Variants in FADS2 observed in about 807,000 individuals in gnomAD.
FADS2 encodes acyl-CoA 6-desaturase.
A neutral mutation model predicts 61.2 loss-of-function variants in FADS2; 18 were observed. That is an observed-to-expected ratio of 0.29 (90% CI 0.20 to 0.44). FADS2 has a LOEUF of 0.44. Among genes scored for constraint, FADS2 ranks in the 20% least tolerant of loss-of-function variants. FADS2 has a pLI of 1.00. For synonymous variants in FADS2, 203 were observed against 223.9 expected, an observed-to-expected ratio of 0.91 and a Z score of 0.83; for missense variants, 322 against 572.7, an observed-to-expected ratio of 0.56 and a Z score of 4.47.
Position 61,816,529 on chromosome 11 carries a change from C to T in FADS2, c.141+103C>T. The T allele has an allele frequency of 1.9e-6, 3 of 1,597,326 alleles. No individual in the cohort carries two copies. The highest frequency in any genetic ancestry group is 2.2e-5 in the South Asian group (2 of 89,270). ...ACTCAGCCTCCGGTCCCGCCCTCTC[C>T]TGTGCCCCCGCCTGGCTGCGCTCAC... On this transcript the variant is annotated intron_variant, in intron 1 of 11. Transcript: ENST00000257261. This position sits in a 1 kb window ranked among gnomAD's most constrained non-coding sequence, Gnocchi z 7.0.
chr11:61,836,340 G>T (rs969633661), intron 1 of FADS2, among the ~76,000 whole-genome samples: 5 of 151,966 alleles, frequency 3.3e-5, no homozygotes, highest in African/African-American at 7.3e-5. Context: ...TCAGGTGATC[G>T]CCCTGCCTCG....
upstream of FADS2, among the ~76,000 whole-genome samples, chr11:61,825,475 G>A (rs546021795): frequency 7.9e-5 from 12 of 152,104 alleles, no homozygotes; most frequent in African/African-American, 2.9e-4. Context: ...AAAATTAGCC[G>A]GGCATGGTGG....
chr11:61,857,829 T>A (rs576752503), intron 7 of FADS2, among the ~76,000 whole-genome samples: 1 of 152,238 alleles, frequency 6.6e-6, no homozygotes, highest in South Asian at 2.1e-4. Context: ...GCCATCTCCC[T>A]TCCCCGCTCC....
intron 1 of FADS2, among the ~76,000 whole-genome samples, chr11:61,819,050 A>G (rs2067013042): frequency 6.6e-6 from 1 of 151,706 alleles, no homozygotes; most frequent in Non-Finnish European, 1.5e-5. Flanking sequence ...TTGTTTTTGT[A>G]TTTTTAGTAG....
rs2067465915 is a variant in FADS2 at position 61,866,015 on chromosome 11, G to T, written c.*326G>T. On this transcript the variant is annotated 3_prime_UTR_variant, in exon 12 of 12. Transcript: ENST00000278840. ...CTCCACTCTCTGCCCCTAAAGATGG[G>T]AGGAGACCAGCGGTCCATGGGTCTG... 1 of 464,328 alleles carries T rather than the reference G, an allele frequency of 2.2e-6. No individual in the cohort carries two copies. The highest frequency in any genetic ancestry group is 3.8e-6 in the Non-Finnish European group (1 of 261,794). The allele number at this position is 464,328 out of a possible 1,614,324, so 28.8% of individuals were successfully genotyped here. A position where few individuals can be genotyped will look rare whatever the true frequency, so the allele number is the denominator to read the frequency against.
At chr11:61,860,105 T>TCTCAG (rs2067400424) in intron 7 of FADS2, among the ~76,000 whole-genome samples, 1 of 152,226 alleles carries the variant, frequency 6.6e-6, no homozygotes, top group African/African-American at 2.4e-5. Flanking sequence ...GGGCACTGGT[T>TCTCAG]CTCAGGGGAG....
intron 10 of FADS2, among the ~76,000 whole-genome samples, chr11:61,864,829 C>A (rs761291343): frequency 2.0e-5 from 3 of 152,202 alleles, no homozygotes; most frequent in Non-Finnish European, 1.5e-5. Flanking sequence ...AGCCACCGTG[C>A]CTCACCTCAC....
chr11:61,816,801 C>G lies in FADS2; in HGVS notation c.141+375C>G. On this transcript the variant is annotated intron_variant, in intron 1 of 11. Transcript: ENST00000257261. The surrounding 1 kb of genome is among the most constrained non-coding windows in gnomAD (Gnocchi z 7.0). ...CGCGCGCCGGGCCAGCAGGGGCTGT[C>G]AGGCGCGTGCTCGGGGTCCGCGGGC... 1 of 1,499,972 alleles carries G rather than the reference C, an allele frequency of 6.7e-7. No individual in the cohort carries two copies. The highest frequency in any genetic ancestry group is 8.8e-7 in the Non-Finnish European group (1 of 1,133,924). The allele number at this position is 1,499,972 out of a possible 1,614,324, so 92.9% of individuals were successfully genotyped here.
rs1010098606 is a variant in FADS2 at position 61,859,119 on chromosome 11, G to A, written c.882+1589G>A. Among the ~76,000 whole-genome samples the A allele has an allele frequency of 5.3e-5, 8 of 152,146 alleles. No homozygotes were observed. In the East Asian group the frequency reaches 5.8e-4, roughly 11 times the overall value. On this transcript the variant is annotated intron_variant, in intron 7 of 11. Transcript: ENST00000278840. ...GTTGCCCAGGCTGGAGTACAATGGC[G>A]TGATCTCGGCTCACCGAAACCTCTG...
chr11:61,832,904 G>A (rs937316942), intron 1 of FADS2, among the ~76,000 whole-genome samples: 1 of 152,222 alleles, frequency 6.6e-6, no homozygotes, highest in Non-Finnish European at 1.5e-5. Context: ...TGCAGCATTC[G>A]ATCAGAGATT....
In FADS2 at chr11:61,829,543, T is replaced by C. The variant is rs1270670712; in HGVS notation, c.207+946T>C. On this transcript the variant is annotated intron_variant, in intron 1 of 11. Coordinates refer to ENST00000278840, the MANE Select transcript of FADS2 (RefSeq NM_004265.4). ...CCGCACCGGGGACCCCAGTCTGAAATCCTGGCATTTATTTAAGGATGCAGC... is the reference window on the plus strand; with the variant it reads ...CCGCACCGGGGACCCCAGTCTGAAACCCTGGCATTTATTTAAGGATGCAGC... 2.0e-5 allele frequency among the ~76,000 whole-genome samples: 3 copies of C among 152,234 alleles called. No homozygotes were observed. The East Asian group carries it at 5.8e-4, about 29-fold the overall frequency.
intron 3 of FADS2, 21 bp from the exon 4 acceptor site, chr11:61,840,603 C>A: frequency 6.2e-7 from 1 of 1,612,734 alleles, no homozygotes; most frequent in South Asian, 1.1e-5. Flanking sequence ...TGTGACAGCA[C>A]GTGTGACCCT....
chr11:61,865,310 T>C lies in FADS2; in HGVS notation c.1283+33T>C. ...GTGGAGGTCCACAGGCGCTGGGCCC[T>C]GGGATCACCCGTGGTGCAGACAGTG... On this transcript the variant is annotated intron_variant, in intron 11 of 11. Transcript: ENST00000278840. This position sits in a 1 kb window ranked among gnomAD's most constrained non-coding sequence, Gnocchi z 4.1. 6.2e-7 allele frequency: 1 copy of C among 1,609,132 alleles called. No individual in the cohort carries two copies. Among genetic ancestry groups the C allele is most frequent in the Non-Finnish European group, 8.5e-7 (1 of 1,178,552 alleles).
Position 61,816,556 on chromosome 11 carries a change from G to T in FADS2, c.141+130G>T. ...GTGCCCCCGCCTGGCTGCGCTCACC[G>T]TGGCATCCTGCCCGGCGTAGTGGCT... is the stretch of plus-strand genomic sequence containing the variant. On this transcript the variant is annotated intron_variant, in intron 1 of 11. Transcript: ENST00000257261. This position sits in a 1 kb window ranked among gnomAD's most constrained non-coding sequence, Gnocchi z 7.0. 6.2e-7 allele frequency: 1 copy of T among 1,603,780 alleles called. No individual in the cohort carries two copies. The highest frequency in any genetic ancestry group is 8.5e-7 in the Non-Finnish European group (1 of 1,176,122).
rs1205350077 is a variant in FADS2, at chr11:61,857,023, A to C, written c.757A>C (p.Lys253Gln). 1 of 1,613,794 alleles carries C rather than the reference A, an allele frequency of 6.2e-7. No individual in the cohort carries two copies. Among genetic ancestry groups the C allele is most frequent in the African/African-American group, 1.3e-5 (1 of 74,862 alleles). ...EWQPIEYGKKKLKYLPYNHQH... is the reference protein window; with the variant it reads ...EWQPIEYGKKQLKYLPYNHQH... ...CCTCTCTCCTCAGTACGGCAAGAAGAAGCTGAAATACCTGCCCTACAATCA... is the reference window on the plus strand; with the variant it reads ...CCTCTCTCCTCAGTACGGCAAGAAGCAGCTGAAATACCTGCCCTACAATCA... The change falls in exon 6 of 12, where the codon AAG becomes CAG. Residue 253 changes from lysine (K) to glutamine (Q), a missense_variant. Lys to Gln is a moderately conservative substitution (Grantham distance 53). Around this residue, in one of 3 missense-constraint regions of FADS2, gnomAD observed 221 missense variants for 427.9 expected, o/e 0.52. Transcript: ENST00000278840.
chr11:61,841,888 C>G (rs914785584), intron 4 of FADS2, among the ~76,000 whole-genome samples: 2 of 152,214 alleles, frequency 1.3e-5, no homozygotes, highest in African/African-American at 4.8e-5. Flanking sequence ...CCACTCTCAC[C>G]TCCCCCTAGA....
At chr11:61,862,481 T>TCTG (rs773792082) in intron 7 of FADS2, 6 of 170,980 alleles carry the variant, frequency 3.5e-5, no homozygotes, top group Non-Finnish European at 7.5e-5. Context: ...GAGGCCAGCC[T>TCTG]CTGCTGTGAG....
upstream of FADS2, among the ~76,000 whole-genome samples, chr11:61,824,866 G>C (rs2067070024): frequency 6.6e-6 from 1 of 152,088 alleles, no homozygotes; most frequent in Non-Finnish European, 1.5e-5. Context: ...ATATTTTTTT[G>C]TCACATGGAG....
In FADS2 at chr11:61,828,357, C is replaced by T. The variant is rs981707718; in HGVS notation, c.-34C>T. ...CAGCGAGCAGCCGGCGCGGGGAGGC[C>T]GCAGTGCACGGGGCGTCACAGTCGG... On this transcript the variant is annotated 5_prime_UTR_variant, in exon 1 of 12. Transcript: ENST00000278840. This position sits in a 1 kb window ranked among gnomAD's most constrained non-coding sequence, Gnocchi z 6.4. The T allele has an allele frequency of 5.2e-6, 8 of 1,546,340 alleles. No homozygotes were observed. The African/African-American group carries it at 9.6e-5, about 19-fold the overall frequency.
Sources: gnomAD v4.1 joint callset for allele counts (sites outside exome capture counted in the v4.1 genomes callset) on GRCh38, gnomAD v4.1.1 for gene constraint, gnomAD v4.1.1 regional missense constraint, Gnocchi (gnomAD v3.1) non-coding constraint, MANE v1.5 for transcripts, NCBI Gene and HGNC (gene_info 2026-07-23, HGNC 2026-07-21) for gene names.